ATP1A1: variants seen among roughly 807,000 people sequenced by gnomAD.
ATP1A1 encodes the protein sodium/potassium-transporting ATPase subunit alpha-1.
A neutral mutation model predicts 114.8 loss-of-function variants in ATP1A1; 14 were observed. That is an observed-to-expected ratio of 0.12 (90% confidence interval 0.08 to 0.19). The LOEUF is 0.19. ATP1A1 is among the 10% of genes least tolerant of loss of function. The pLI is 1.00. For synonymous variants in ATP1A1, 471 were observed against 466.3 expected (o/e 1.01, Z -0.13); for missense variants, 524 against 1,290.7 (o/e 0.41, Z 9.10).
rs937656673 is a variant in ATP1A1 at position 116,395,435 on chromosome 1, A to G, written c.1836+150A>G. On this transcript the variant is annotated intron_variant, in intron 13 of 22. Transcript: ENST00000295598. The surrounding 1 kb of genome is among the most constrained non-coding windows in gnomAD (Gnocchi z 6.4). ...CTCCAAAGCTTTACTTCCACCCAGA[A>G]AAGACCAGATAGTATTAAAATATGA... 2.4e-5 allele frequency: 22 copies of G among 909,660 alleles called. No individual in the cohort carries two copies. The highest frequency in any genetic ancestry group is 2.9e-5 in the Non-Finnish European group (19 of 646,292). 56.3% of individuals were successfully genotyped at this position (909,660 alleles called of 1,614,324 possible). A position where few individuals can be genotyped will look rare whatever the true frequency, so the allele number is the denominator to read the frequency against.
At position 116,398,180 on chromosome 1, in the gene ATP1A1, T is replaced by G; in HGVS notation, c.2124+142T>G. The G allele has an allele frequency of 1.6e-6, 2 of 1,217,448 alleles. No individual in the cohort carries two copies. Among genetic ancestry groups the G allele is most frequent in the Non-Finnish European group, 1.1e-6 (1 of 890,862 alleles). 75.4% of individuals were successfully genotyped at this position (1,217,448 alleles called of 1,614,324 possible). On this transcript the variant is annotated intron_variant, in intron 15 of 22. Transcript: ENST00000295598. This position sits in a 1 kb window ranked among gnomAD's most constrained non-coding sequence, Gnocchi z 6.1. Reference sequence around the variant, plus strand: ...TATAAATAGGCCAGTAGGAAGCTCATAGGCATAGAGAGGGTGACTTGTTAA... The same window carrying G: ...TATAAATAGGCCAGTAGGAAGCTCAGAGGCATAGAGAGGGTGACTTGTTAA...
intron 1 of ATP1A1, among the ~76,000 whole-genome samples, chr1:116,382,191 T>C (rs975543460): frequency 2.0e-5 from 3 of 152,102 alleles, no homozygotes; most frequent in Admixed American, 6.6e-5. Context: ...AGAAAATTAA[T>C]ACAAAGTGGT....
chr1:116,397,786 T>A lies in ATP1A1; in HGVS notation c.1974-102T>A, dbSNP rs1653056923. ...GCTGGGGAAAATTCCTTCTTTGTTT[T>A]GTTTACAAAGTGATCTGCATAAGAA... On this transcript the variant is annotated intron_variant, in intron 14 of 22. Transcript: ENST00000295598. The surrounding 1 kb of genome is among the most constrained non-coding windows in gnomAD (Gnocchi z 4.2). 6 of 1,401,056 alleles carry A rather than the reference T, an allele frequency of 4.3e-6. No homozygotes were observed. The Admixed American group carries it at 1.3e-4, about 31-fold the overall frequency. 86.8% of individuals were successfully genotyped at this position (1,401,056 alleles called of 1,614,324 possible).
At position 116,404,582 on chromosome 1, in the gene ATP1A1, G is replaced by T; in HGVS notation, c.*138G>T. Reference sequence around the variant, plus strand: ...ACCGCAGCATGTGGGGAAGCAAGACGTCCTGGAATGAAGCATGTAGCTCTA... The same window carrying T: ...ACCGCAGCATGTGGGGAAGCAAGACTTCCTGGAATGAAGCATGTAGCTCTA... On this transcript the variant is annotated 3_prime_UTR_variant, in exon 23 of 23. Transcript: ENST00000295598. The surrounding 1 kb of genome is among the most constrained non-coding windows in gnomAD (Gnocchi z 4.8). The T allele has an allele frequency of 7.1e-7, 1 of 1,400,002 alleles. No homozygotes were observed. 86.7% of individuals were successfully genotyped at this position (1,400,002 alleles called of 1,614,324 possible). A position where few individuals can be genotyped will look rare whatever the true frequency, so the allele number is the denominator to read the frequency against.
At chr1:116,390,711 TAGG>T (rs1652399717) in intron 9 of ATP1A1, 68 bp from the exon 10 acceptor site, 1 of 1,262,918 alleles carries the variant, frequency 7.9e-7, no homozygotes, top group Admixed American at 1.8e-5. Context: ...GGGACTTTAA[TAGG>T]AGAACTGAGA....
Position 116,401,122 on chromosome 1 carries a change from C to G in ATP1A1, c.2719-8C>G. ...GCCAGAGCTCATCTTCTGTCTTCTG[C>G]ATTTCAGACCTATGAGCAGAGGAAA... On this transcript the variant is annotated splice_region_variant and splice_polypyrimidine_tract_variant and intron_variant, in intron 19 of 22. Transcript: ENST00000295598. The surrounding 1 kb of genome is among the most constrained non-coding windows in gnomAD (Gnocchi z 4.7). 1 of 1,614,154 alleles carries G rather than the reference C, an allele frequency of 6.2e-7. No individual in the cohort carries two copies. Among genetic ancestry groups the G allele is most frequent in the Non-Finnish European group, 8.5e-7 (1 of 1,180,004 alleles).
intron 14 of ATP1A1, among the ~76,000 whole-genome samples, chr1:116,396,981 C>T (rs1329363395): frequency 6.6e-6 from 1 of 152,164 alleles, no homozygotes; most frequent in Non-Finnish European, 1.5e-5. Context: ...ATTTGCAGAG[C>T]AGGGAAGGTA....
In ATP1A1 at chr1:116,392,953, G is replaced by A. The variant is rs201409287; in HGVS notation, c.1432G>A (p.Val478Ile). The A allele has an allele frequency of 1.5e-5, 24 of 1,614,102 alleles. No homozygotes were observed. Among genetic ancestry groups the A allele is most frequent in the Admixed American group, 1.7e-5 (1 of 60,020 alleles). ...KEMRERYAKI[V>I]EIPFNSTNKY... is the part of the protein sequence containing the mutation. ...GATGAGAGAAAGATACGCCAAAATC[G>A]TCGAGATACCCTTCAACTCCACCAA... The change falls in exon 11 of 23, where the codon GTC becomes ATC. Residue 478 changes from valine (V) to isoleucine (I), a missense_variant. Val to Ile is a conservative substitution (Grantham distance 29). This residue lies in a region of ATP1A1 where 143 missense variants were observed against 259.3 expected (regional missense o/e 0.55). Transcript: ENST00000295598.
chr1:116,373,334 AGCGGCG>A lies in ATP1A1; in HGVS notation c.-172_-167del, dbSNP rs1166029057. 4 of 534,482 alleles carry A rather than the reference AGCGGCG, an allele frequency of 7.5e-6. No homozygotes were observed. Among genetic ancestry groups the A allele is most frequent in the Non-Finnish European group, 1.2e-5 (4 of 337,936 alleles). 33.1% of individuals were successfully genotyped at this position (534,482 alleles called of 1,614,324 possible). On this transcript the variant is annotated 5_prime_UTR_variant, in exon 1 of 23. Transcript: ENST00000295598. ...TAGCAGCCCGGGCGGCGGCAGCAAC[AGCGGCG>A]GCGGCATCGGCCCGAGCCGCCGGCC...
intron 1 of ATP1A1, chr1:116,374,067 G>A: frequency 7.1e-7 from 1 of 1,408,534 alleles, no homozygotes; most frequent in South Asian, 1.6e-5. Flanking sequence ...GTTCCGGCGG[G>A]GGCAGCCTCC....
chr1:116,387,580 A>T lies in ATP1A1; in HGVS notation c.387+89A>T. 1 of 1,389,598 alleles carries T rather than the reference A, an allele frequency of 7.2e-7. No individual in the cohort carries two copies. Among genetic ancestry groups the T allele is most frequent in the South Asian group, 1.3e-5 (1 of 78,788 alleles). The allele number at this position is 1,389,598 out of a possible 1,614,324, so 86.1% of individuals were successfully genotyped here. A position where few individuals can be genotyped will look rare whatever the true frequency, so the allele number is the denominator to read the frequency against. The stretch of plus-strand genomic sequence containing the variant: ...TCCCACTTCTTCTCAATTACCACTC[A>T]TTACTTAATGGTTATGAACTCATTA... On this transcript the variant is annotated intron_variant, in intron 4 of 22. Transcript: ENST00000295598. This position sits in a 1 kb window ranked among gnomAD's most constrained non-coding sequence, Gnocchi z 6.7.
chr1:116,390,487 A>T, intron 9 of ATP1A1, 76 bp downstream of exon 9: 1 of 1,395,596 alleles, frequency 7.2e-7, no homozygotes, highest in Admixed American at 2.4e-5. Context: ...AAATTGCATG[A>T]AATTTCTTTT....
chr1:116,374,352 G>A, intron 1 of ATP1A1: 2 of 1,505,526 alleles, frequency 1.3e-6, no homozygotes, highest in Non-Finnish European at 1.8e-6. Flanking sequence ...TTTTTTGAAG[G>A]GACGAGCCCT....
chr1:116,394,683 T>C (rs1310037654), intron 12 of ATP1A1, among the ~76,000 whole-genome samples: 1 of 152,172 alleles, frequency 6.6e-6, no homozygotes, highest in Non-Finnish European at 1.5e-5. Flanking sequence ...GTAATATGTT[T>C]CAGTTAAATG....
At chr1:116,383,457 A>C (rs943821905) in intron 1 of ATP1A1, 4 of 749,656 alleles carry the variant, frequency 5.3e-6, no homozygotes, top group Non-Finnish European at 6.5e-6. Context: ...TAATCCTTAA[A>C]AACATGAAAT....
At chr1:116,378,887 A>G (rs7538322) in intron 1 of ATP1A1, among the ~76,000 whole-genome samples, 2 of 152,062 alleles carry the variant, frequency 1.3e-5, no homozygotes, top group Non-Finnish European at 2.9e-5. Context: ...GGTCAGCAGA[A>G]AGGGGGAGTT....
Position 116,398,671 on chromosome 1 carries a change from G to A in ATP1A1, c.2175G>A (p.Leu725=). 6.2e-7 allele frequency: 1 copy of A among 1,614,156 alleles called. No homozygotes were observed. The highest frequency in any genetic ancestry group is 8.5e-7 in the Non-Finnish European group (1 of 1,180,018). The change falls in exon 16 of 23, where the codon TTG becomes TTA. Residue 725 remains leucine, a synonymous_variant. Coordinates refer to ENST00000295598, the MANE Select transcript of ATP1A1 (RefSeq NM_000701.8). The surrounding 1 kb of genome is among the most constrained non-coding windows in gnomAD (Gnocchi z 6.1). ...ACGGTGTGAATGACTCTCCAGCTTT[G>A]AAGAAAGCAGACATTGGGGTTGCTA... ...TGDGVNDSPA[L]KKADIGVAMG... is the part of the protein sequence containing the mutation.
At chr1:116,390,493 CTTTTTT>C (rs1388371496) in intron 9 of ATP1A1, 82 bp downstream of exon 9, 1 of 670,286 alleles carries the variant, frequency 1.5e-6, no homozygotes, top group Non-Finnish European at 2.1e-6. Context: ...CATGAAATTT[CTTTTTT>C]TTTTTTAAGC....
In ATP1A1 at chr1:116,401,058, AG is replaced by A; in HGVS notation, c.2718+53del. 6.2e-7 allele frequency: 1 copy of A among 1,612,650 alleles called. No homozygotes were observed. Among genetic ancestry groups the A allele is most frequent in the Non-Finnish European group, 8.5e-7 (1 of 1,178,660 alleles). On this transcript the variant is annotated intron_variant, in intron 19 of 22. Coordinates refer to ENST00000295598, the MANE Select transcript of ATP1A1 (RefSeq NM_000701.8). The surrounding 1 kb of genome is among the most constrained non-coding windows in gnomAD (Gnocchi z 4.7). ...GTGTCAGAGCTCCTCAAGCCCCAGA[AG>A]ACTGAGGCCACACTGCCACCAGCCA... is the stretch of plus-strand genomic sequence containing the variant.
Sources: allele counts gnomAD v4.1 joint callset (sites outside exome capture counted in the v4.1 genomes callset), GRCh38; gene constraint gnomAD v4.1.1; regional missense constraint gnomAD v4.1.1; non-coding constraint Gnocchi (gnomAD v3.1); transcripts MANE v1.5; gene names NCBI Gene and HGNC (gene_info 2026-07-23, HGNC 2026-07-21).